Variants in TNKS observed in about 807,000 individuals in gnomAD.
The protein encoded by TNKS is tankyrase.
In TNKS, 72 loss-of-function variants were observed where a neutral mutation model predicts 135.8. That is an observed-to-expected ratio of 0.53 (90% CI 0.44 to 0.64). The LOEUF (loss-of-function observed/expected upper bound fraction) is 0.64, where lower values mean the gene tolerates loss of function less well. Ranked by LOEUF, TNKS falls within the 30% of genes least tolerant of loss-of-function variation. TNKS has a pLI of 0.00. For synonymous variants in TNKS, 849 were observed against 649.3 expected (o/e 1.31, Z -4.68); for missense variants, 1,769 against 1,674.0 (o/e 1.06, Z -0.99).
chr8:9,707,433 T>A (rs1804102580), intron 8 of TNKS, among the ~76,000 whole-genome samples: 1 of 152,190 alleles, frequency 6.6e-6, no homozygotes, highest in African/African-American at 2.4e-5. Flanking sequence ...CTTGTGCCAT[T>A]GACAGTGACA....
intron 5 of TNKS, among the ~76,000 whole-genome samples, chr8:9,684,856 G>A (rs925111032): frequency 6.6e-6 from 1 of 152,136 alleles, no homozygotes; most frequent in African/African-American, 2.4e-5. Context: ...GAATGATTAA[G>A]ACATTATGGA....
intron 26 of TNKS, among the ~76,000 whole-genome samples, chr8:9,774,848 C>G (rs911711586): frequency 4.6e-5 from 7 of 152,146 alleles, no homozygotes; most frequent in African/African-American, 1.4e-4. Context: ...ACAGCTTTTC[C>G]GCAAGTAAAA....
chr8:9,556,458 G>T lies in TNKS; in HGVS notation c.519G>T (p.Gly173=). Residue 173 remains glycine, a synonymous_variant, in exon 1 of 27, where the codon GGG becomes GGT. Coordinates refer to ENST00000310430, the MANE Select transcript of TNKS (RefSeq NM_003747.3). ...TGGGGCCTGGGGCAGCAGGACCTGG[G>T]ACAGGGGTCCCAGCAGTGAGCGGGG... The part of the protein sequence containing the change: ...APLGPGAAGP[G]TGVPAVSGAL... 6.2e-7 allele frequency: 1 copy of T among 1,614,176 alleles called. No homozygotes were observed. The highest frequency in any genetic ancestry group is 8.5e-7 in the Non-Finnish European group (1 of 1,180,036).
chr8:9,593,510 G>C (rs994722355), intron 2 of TNKS, among the ~76,000 whole-genome samples: 1 of 152,028 alleles, frequency 6.6e-6, no homozygotes, highest in African/African-American at 2.4e-5. Flanking sequence ...TTTTAAAACC[G>C]TATCATATTT....
intron 20 of TNKS, among the ~76,000 whole-genome samples, chr8:9,758,940 TCTA>T (rs1312008055): frequency 3.3e-5 from 5 of 152,162 alleles, no homozygotes; most frequent in Non-Finnish European, 7.3e-5. Flanking sequence ...ATCTAAAGAC[TCTA>T]CTGGAGAAGG....
intron 3 of TNKS, chr8:9,679,732 C>T (rs1435938855): frequency 2.0e-6 from 1 of 497,530 alleles, no homozygotes; most frequent in Non-Finnish European, 3.6e-6. Flanking sequence ...GCTATTTCAT[C>T]TGAGGATTGG....
At chr8:9,640,206 C>T (rs1242306510) in intron 3 of TNKS, among the ~76,000 whole-genome samples, 2 of 152,162 alleles carry the variant, frequency 1.3e-5, no homozygotes, top group Non-Finnish European at 2.9e-5. Flanking sequence ...TTATTTCTCA[C>T]AATTTCTCAC....
chr8:9,707,342 T>C (rs564680312), intron 8 of TNKS, among the ~76,000 whole-genome samples: 2 of 152,336 alleles, frequency 1.3e-5, no homozygotes, highest in East Asian at 3.9e-4. Flanking sequence ...TAAAAAGCTC[T>C]GAGCTTCTGG....
intron 1 of TNKS, among the ~76,000 whole-genome samples, chr8:9,579,301 A>G (rs1355614479): frequency 6.6e-6 from 1 of 152,130 alleles, no homozygotes; most frequent in Non-Finnish European, 1.5e-5. Context: ...AGCCCCAAGA[A>G]TAGATATTTT....
intron 3 of TNKS, among the ~76,000 whole-genome samples, 175 bp downstream of exon 3, chr8:9,615,852 G>A (rs36011782): frequency 1.1e-4 from 16 of 152,188 alleles, no homozygotes; most frequent in South Asian, 8.3e-4. Flanking sequence ...CTATGCTGTC[G>A]TAAGCATAAG....
chr8:9,613,686 A>C (rs1005231153), intron 2 of TNKS, among the ~76,000 whole-genome samples: 2 of 152,218 alleles, frequency 1.3e-5, no homozygotes, highest in African/African-American at 4.8e-5. Flanking sequence ...ATTTCAAGTA[A>C]ATGTTTACTT....
intron 5 of TNKS, among the ~76,000 whole-genome samples, chr8:9,682,943 A>G (rs1802844645): frequency 6.6e-6 from 1 of 152,064 alleles, no homozygotes; most frequent in Non-Finnish European, 1.5e-5. Flanking sequence ...AAATATAAAT[A>G]ATGCAATAAT....
chr8:9,645,202 CA>C (rs1411220004), intron 3 of TNKS, among the ~76,000 whole-genome samples: 1 of 149,142 alleles, frequency 6.7e-6, no homozygotes, highest in African/African-American at 2.5e-5. Context: ...CTAAGGAGGA[CA>C]AGGGTGGGGG....
chr8:9,670,932 A>G (rs191970794), intron 3 of TNKS: 2 of 152,346 alleles, frequency 1.3e-5, no homozygotes, highest in Non-Finnish European at 2.9e-5. Context: ...TGAACCTAAG[A>G]TAGAAAATGC....
intron 18 of TNKS, among the ~76,000 whole-genome samples, chr8:9,751,069 G>T (rs915921561): frequency 1.0e-4 from 13 of 129,346 alleles, no homozygotes; most frequent in Non-Finnish European, 1.7e-4. Flanking sequence ...CGGCGGGTAG[G>T]GGGCAGAAAT....
chr8:9,734,732 G>A (rs536253848), intron 15 of TNKS, 133 bp from the exon 16 acceptor site: 2 of 734,016 alleles, frequency 2.7e-6, no homozygotes, highest in Admixed American at 3.0e-5. Context: ...ATTTTGCAAA[G>A]TGTTTTTCAA....
At chr8:9,672,701 CACACACACACAA>C (rs1252144074) in intron 3 of TNKS, among the ~76,000 whole-genome samples, 2 of 116,494 alleles carry the variant, frequency 1.7e-5, no homozygotes, top group African/African-American at 3.2e-5. Flanking sequence ...CACACACACA[CACACACACACAA>C]AAAAAAAAAA....
intron 2 of TNKS, among the ~76,000 whole-genome samples, chr8:9,611,894 A>T (rs74898308): frequency 0.083 from 12,656 of 152,288 alleles, 559 homozygotes; most frequent in South Asian, 0.18. Flanking sequence ...TAAAGAGTTA[A>T]GATAAATGAA....
chr8:9,653,332 T>G (rs1179200759), intron 3 of TNKS, among the ~76,000 whole-genome samples: 3 of 152,096 alleles, frequency 2.0e-5, no homozygotes, highest in African/African-American at 7.2e-5. Context: ...ACTGTCTCTG[T>G]TTCTGTAAAA....
Sources: allele counts gnomAD v4.1 joint callset (sites outside exome capture counted in the v4.1 genomes callset), GRCh38; gene constraint gnomAD v4.1.1; transcripts MANE v1.5; gene names NCBI Gene and HGNC (gene_info 2026-07-23, HGNC 2026-07-21).